Variants in TCF7L2 observed in about 807,000 individuals in gnomAD.
The protein encoded by TCF7L2 is transcription factor 7 like 2.
Under a neutral mutation model 77.9 loss-of-function variants are expected in TCF7L2, and 23 were observed. That is an observed-to-expected ratio of 0.30 (90% CI 0.21 to 0.42). TCF7L2 has a LOEUF of 0.42. TCF7L2 is among the 10% of genes least tolerant of loss of function. The pLI, the probability that TCF7L2 is intolerant of heterozygous loss-of-function variation, is 1.00. For missense variants in TCF7L2, 654 were observed against 793.1 expected, an observed-to-expected ratio of 0.82 and a Z score of 2.11; for synonymous variants, 413 against 340.2, an observed-to-expected ratio of 1.21 and a Z score of -2.36.
chr10:113,126,536 A>C (rs2065635736), intron 5 of TCF7L2: 1 of 984,650 alleles, frequency 1.0e-6, no homozygotes, highest in African/African-American at 1.7e-5. Context: ...GTTTGGGGGA[A>C]AAAAAGAAGA....
At chr10:113,150,631 G>T (rs1462837765) in intron 8 of TCF7L2, among the ~76,000 whole-genome samples, 18 of 152,108 alleles carry the variant, frequency 1.2e-4, no homozygotes, top group Non-Finnish European at 2.9e-5. Flanking sequence ...AGCTGATTAG[G>T]ACTTAGGAAA....
At chr10:113,022,059 A>G (rs1414400418) in intron 4 of TCF7L2, among the ~76,000 whole-genome samples, 1 of 152,234 alleles carries the variant, frequency 6.6e-6, no homozygotes, top group Non-Finnish European at 1.5e-5. Context: ...GGAGGAAAAA[A>G]AAATCAAGAC....
At chr10:112,964,739 A>ATGATGGTGGTGG (rs1227924366) in intron 4 of TCF7L2, 115 bp downstream of exon 4, 2 of 577,468 alleles carry the variant, frequency 3.5e-6, no homozygotes, top group African/African-American at 5.0e-5. Flanking sequence ...GATGATGATG[A>ATGATGGTGGTGG]TGGTGGTGGT....
intron 4 of TCF7L2, among the ~76,000 whole-genome samples, chr10:112,984,299 T>G (rs1199439816): frequency 1.3e-5 from 2 of 152,154 alleles, no homozygotes; most frequent in African/African-American, 2.4e-5. Flanking sequence ...ATCAGAAAGC[T>G]ATGTTTTTGT....
chr10:112,964,783 G>A (rs923608459), intron 4 of TCF7L2, among the ~76,000 whole-genome samples, 159 bp downstream of exon 4: 1 of 146,052 alleles, frequency 6.8e-6, no homozygotes, highest in Admixed American at 6.8e-5. Context: ...TGGTGATGGT[G>A]GTGGTGGTGA....
intron 4 of TCF7L2, among the ~76,000 whole-genome samples, chr10:113,019,850 C>T (rs1336125756): frequency 2.0e-5 from 3 of 151,468 alleles, no homozygotes; most frequent in South Asian, 2.1e-4. Flanking sequence ...TGCCCCTTAA[C>T]GAAAAGTAAA....
At position 112,952,830 on chromosome 10, in the gene TCF7L2, G is replaced by T. The variant is rs377584679; in HGVS notation, c.381+1223G>T. The stretch of plus-strand genomic sequence containing the variant: ...AATACGGCTCATCCCCTCCCCCACC[G>T]GCCTGTGCCCCCTGCCCTCACCCTG... On this transcript the variant is annotated intron_variant, in intron 3 of 13. Transcript: ENST00000627217. 6.4e-5 allele frequency among the ~76,000 whole-genome samples: 5 copies of T among 78,374 alleles called. No individual in the cohort carries two copies. In the East Asian group the frequency reaches 1.5e-3, roughly 23 times the overall value. 51.4% of individuals were successfully genotyped at this position (78,374 alleles called of 152,430 possible).
intron 4 of TCF7L2, among the ~76,000 whole-genome samples, chr10:113,013,947 CT>C: frequency 6.6e-6 from 1 of 152,216 alleles, no homozygotes; most frequent in Non-Finnish European, 1.5e-5. Flanking sequence ...AGCTAGCTGC[CT>C]GGAATTTCTT....
chr10:113,104,679 T>C (rs2062056412), intron 5 of TCF7L2, among the ~76,000 whole-genome samples: 1 of 140,650 alleles, frequency 7.1e-6, no homozygotes, highest in Non-Finnish European at 1.6e-5. Flanking sequence ...TGATCTCAAA[T>C]ATCTCAGCAT....
chr10:112,999,656 G>A (rs2044125065), intron 4 of TCF7L2, among the ~76,000 whole-genome samples: 1 of 152,166 alleles, frequency 6.6e-6, no homozygotes, highest in African/African-American at 2.4e-5. Context: ...ACAAAAATAA[G>A]GCGTATGTAG....
intron 5 of TCF7L2, among the ~76,000 whole-genome samples, chr10:113,091,471 G>A (rs1033217664): frequency 4.6e-5 from 7 of 152,116 alleles, no homozygotes; most frequent in Non-Finnish European, 1.0e-4. Context: ...AGTGGCTCAC[G>A]CCTGTAATCC....
intron 3 of TCF7L2, among the ~76,000 whole-genome samples, chr10:112,957,140 C>T (rs1404675036): frequency 6.7e-6 from 1 of 149,590 alleles, no homozygotes; most frequent in South Asian, 2.1e-4. Context: ...CTTTTCTTTT[C>T]TCCCTTTTTC....
chr10:112,995,745 G>T (rs2043349694), intron 4 of TCF7L2, among the ~76,000 whole-genome samples: 1 of 152,126 alleles, frequency 6.6e-6, no homozygotes, highest in Non-Finnish European at 1.5e-5. Flanking sequence ...GAGAGTCACT[G>T]CTTGCTGGCG....
chr10:113,093,190 C>T (rs2060582482), intron 5 of TCF7L2, among the ~76,000 whole-genome samples: 1 of 152,148 alleles, frequency 6.6e-6, no homozygotes, highest in Admixed American at 6.5e-5. Flanking sequence ...TAACTACCTC[C>T]TATATTAACT....
intron 5 of TCF7L2, among the ~76,000 whole-genome samples, chr10:113,086,627 G>A (rs543616431): frequency 3.9e-5 from 6 of 152,304 alleles, no homozygotes; most frequent in African/African-American, 1.2e-4. Context: ...TGCCCCCTAA[G>A]TAACTGGCAG....
At chr10:113,003,782 T>A (rs2044960325) in intron 4 of TCF7L2, among the ~76,000 whole-genome samples, 1 of 152,210 alleles carries the variant, frequency 6.6e-6, no homozygotes, top group Non-Finnish European at 1.5e-5. Flanking sequence ...AACGTCAGGA[T>A]CTGAGCCCTG....
chr10:113,006,549 C>T (rs747116435), intron 4 of TCF7L2, among the ~76,000 whole-genome samples: 6 of 152,182 alleles, frequency 3.9e-5, no homozygotes, highest in Admixed American at 6.5e-5. Flanking sequence ...TGTGTAACCA[C>T]GACCCAGATC....
rs1192441616 is a variant in TCF7L2 at position 113,161,293 on chromosome 10, AGT to A, written c.1391+604_1391+605del. On this transcript the variant is annotated intron_variant, in intron 13 of 13. Transcript: ENST00000627217. The stretch of plus-strand genomic sequence containing the variant: ...ATGCACCAGCTAAAGGGCTGCAAGC[AGT>A]GAGTCATGCAGTCTCAGACTGCAGC... 15 of 466,850 alleles carry A rather than the reference AGT, an allele frequency of 3.2e-5. No homozygotes were observed. In the East Asian group the frequency reaches 5.4e-4, roughly 17 times the overall value. The allele number at this position is 466,850 out of a possible 1,614,324, so 28.9% of individuals were successfully genotyped here. A position where few individuals can be genotyped will look rare whatever the true frequency, so the allele number is the denominator to read the frequency against.
At chr10:113,164,920 G>T (rs2073848228) in intron 13 of TCF7L2, among the ~76,000 whole-genome samples, 1 of 152,136 alleles carries the variant, frequency 6.6e-6, no homozygotes, top group Admixed American at 6.5e-5. Context: ...TCATGGTGGT[G>T]GTGTGTTAAA....
Sources: gnomAD v4.1 joint callset for allele counts (sites outside exome capture counted in the v4.1 genomes callset) on GRCh38, gnomAD v4.1.1 for gene constraint, MANE v1.5 for transcripts, NCBI Gene and HGNC (gene_info 2026-07-23, HGNC 2026-07-21) for gene names.